The following GALNTL6 variants were observed in gnomAD, a reference collection of about 807,000 sequenced individuals.
GALNTL6 encodes polypeptide N-acetylgalactosaminyltransferase-like 6.
GALNTL6 carries 46 observed loss-of-function variants against 73.7 expected under a neutral mutation model. The ratio of observed to expected loss-of-function variants is 0.62; its 90% confidence interval spans 0.49 to 0.80. The LOEUF (loss-of-function observed/expected upper bound fraction) is 0.80. Among genes scored for constraint, GALNTL6 ranks in the 30% least tolerant of loss-of-function variants. GALNTL6 has a pLI of 0.00. For synonymous variants in GALNTL6, 259 were observed against 263.7 expected (o/e 0.98, Z 0.17); for missense variants, 604 against 755.0 (o/e 0.80, Z 2.34).
intron 2 of GALNTL6, among the ~76,000 whole-genome samples, chr4:171,980,584 A>G (rs575524651): frequency 2.0e-4 from 31 of 152,302 alleles, no homozygotes; most frequent in Middle Eastern, 3.4e-3. Flanking sequence ...GAGAGAAAAG[A>G]CATACAAATT....
intron 2 of GALNTL6, among the ~76,000 whole-genome samples, chr4:172,168,292 T>A (rs1229379767): frequency 2.6e-5 from 4 of 151,962 alleles, no homozygotes; most frequent in Non-Finnish European, 4.4e-5. Context: ...TTGTTTTGTT[T>A]TGTTTTTTGA....
chr4:171,931,920 A>G (rs976003441), intron 2 of GALNTL6, among the ~76,000 whole-genome samples: 3 of 152,226 alleles, frequency 2.0e-5, no homozygotes, highest in African/African-American at 7.2e-5. Flanking sequence ...AAAAAGCTTG[A>G]TTTCAGAAAA....
At position 172,772,392 on chromosome 4, in the gene GALNTL6, G is replaced by T. The variant is rs541924107; in HGVS notation, c.554-36969G>T. 1.6e-4 allele frequency among the ~76,000 whole-genome samples: 24 copies of T among 152,282 alleles called. No individual in the cohort carries two copies. The South Asian group carries it at 5.0e-3, about 32-fold the overall frequency. On this transcript the variant is annotated intron_variant, in intron 5 of 12. Coordinates refer to ENST00000506823, the MANE Select transcript of GALNTL6 (RefSeq NM_001034845.3). ...GAGATGTAACTGTTTGGTTTTGTGG[G>T]TGATAAGAGAAGCTTAAAAAATAGC... is the stretch of plus-strand genomic sequence containing the variant.
At chr4:172,764,540 T>G (rs955790695) in intron 5 of GALNTL6, among the ~76,000 whole-genome samples, 3 of 151,948 alleles carry the variant, frequency 2.0e-5, no homozygotes, top group Non-Finnish European at 2.9e-5. Flanking sequence ...CATAACCTAA[T>G]AATACATAGG....
chr4:173,006,591 C>T (rs1380624393), intron 10 of GALNTL6, among the ~76,000 whole-genome samples: 1 of 152,158 alleles, frequency 6.6e-6, no homozygotes, highest in African/African-American at 2.4e-5. Context: ...AGAAGTTCCT[C>T]CCTGGTACTT....
At chr4:172,420,578 A>G (rs1481396139) in intron 5 of GALNTL6, among the ~76,000 whole-genome samples, 1 of 152,182 alleles carries the variant, frequency 6.6e-6, no homozygotes, top group Admixed American at 6.6e-5. Context: ...GAGCCTCAAC[A>G]TGATGGTAGC....
chr4:171,999,912 A>G (rs1027815395), intron 2 of GALNTL6, among the ~76,000 whole-genome samples: 4 of 152,174 alleles, frequency 2.6e-5, no homozygotes, highest in African/African-American at 7.2e-5. Flanking sequence ...ACCGATATTC[A>G]TAATATGTAA....
At chr4:172,828,430 G>T (rs1414288755) in intron 7 of GALNTL6, among the ~76,000 whole-genome samples, 3 of 152,084 alleles carry the variant, frequency 2.0e-5, no homozygotes, top group Non-Finnish European at 4.4e-5. Context: ...AGGGGCCACA[G>T]TCAGCCCTGC....
chr4:172,783,339 G>A (rs1739473054), intron 5 of GALNTL6, among the ~76,000 whole-genome samples: 1 of 146,134 alleles, frequency 6.8e-6, no homozygotes, highest in African/African-American at 2.5e-5. Context: ...AACCCCAAAA[G>A]GCTTTTTAAA....
chr4:173,020,365 T>G (rs1752944331), intron 11 of GALNTL6, among the ~76,000 whole-genome samples: 1 of 152,148 alleles, frequency 6.6e-6, no homozygotes, highest in South Asian at 2.1e-4. Context: ...TATAATAGAA[T>G]GGGATACATA....
intron 5 of GALNTL6, among the ~76,000 whole-genome samples, chr4:172,368,963 A>G (rs1742679165): frequency 6.6e-6 from 1 of 152,218 alleles, no homozygotes; most frequent in South Asian, 2.1e-4. Flanking sequence ...GCACAGACCC[A>G]AAGAATGAGC....
intron 5 of GALNTL6, among the ~76,000 whole-genome samples, chr4:172,621,424 A>T (rs1406559732): frequency 1.3e-5 from 2 of 152,156 alleles, no homozygotes; most frequent in African/African-American, 4.8e-5. Context: ...TCTGCAGGTT[A>T]GTTCTTGTCT....
intron 10 of GALNTL6, among the ~76,000 whole-genome samples, chr4:172,995,302 G>A (rs1309695984): frequency 6.6e-6 from 1 of 152,126 alleles, no homozygotes; most frequent in Non-Finnish European, 1.5e-5. Context: ...GCCATTTTCT[G>A]ACTGATGATG....
At chr4:173,028,540 T>C (rs1237046460) in intron 12 of GALNTL6, among the ~76,000 whole-genome samples, 2 of 152,194 alleles carry the variant, frequency 1.3e-5, no homozygotes, top group Non-Finnish European at 2.9e-5. Flanking sequence ...TATACATACT[T>C]AGCCCCCTCA....
intron 2 of GALNTL6, among the ~76,000 whole-genome samples, chr4:172,209,802 A>G (rs1736266098): frequency 6.6e-6 from 1 of 152,052 alleles, no homozygotes; most frequent in South Asian, 2.1e-4. Flanking sequence ...CCACAAATTC[A>G]TTTTGCTGAA....
At chr4:172,816,033 C>T (rs1366322489) in intron 7 of GALNTL6, among the ~76,000 whole-genome samples, 5 of 152,170 alleles carry the variant, frequency 3.3e-5, no homozygotes, top group Non-Finnish European at 7.4e-5. Context: ...AAGCTTTAGG[C>T]TAAAACTTGC....
At chr4:172,553,489 C>T (rs1345118560) in intron 5 of GALNTL6, among the ~76,000 whole-genome samples, 1 of 152,086 alleles carries the variant, frequency 6.6e-6, no homozygotes, top group Non-Finnish European at 1.5e-5. Flanking sequence ...TAGATTAACA[C>T]TATATTTTCA....
chr4:172,700,624 C>T (rs933321781), intron 5 of GALNTL6, among the ~76,000 whole-genome samples: 4 of 152,112 alleles, frequency 2.6e-5, no homozygotes, highest in Non-Finnish European at 5.9e-5. Context: ...AGTGGACAAA[C>T]AGGTGACCCA....
At chr4:171,878,551 T>C (rs1439555666) in intron 2 of GALNTL6, among the ~76,000 whole-genome samples, 1 of 152,202 alleles carries the variant, frequency 6.6e-6, no homozygotes, top group East Asian at 1.9e-4. Context: ...ATAATACGTA[T>C]ACATAAACCC....
Sources: allele counts gnomAD v4.1 joint callset (sites outside exome capture counted in the v4.1 genomes callset), GRCh38; gene constraint gnomAD v4.1.1; transcripts MANE v1.5; gene names NCBI Gene and HGNC (gene_info 2026-07-23, HGNC 2026-07-21).